Variants in CELF2 observed in about 807,000 individuals in gnomAD.
The protein encoded by CELF2 is CUG triplet repeat RNA-binding protein 2.
In CELF2, 8 loss-of-function variants were observed where a neutral mutation model predicts 62.6. The observed-to-expected ratio is 0.13, with a 90% CI of 0.07 to 0.23. The LOEUF is 0.23. Among genes scored for constraint, CELF2 ranks in the 10% least tolerant of loss-of-function variants. The pLI, the probability that CELF2 is intolerant of heterozygous loss-of-function variation, is 1.00. For synonymous variants in CELF2, 258 were observed against 250.0 expected (o/e 1.03, Z -0.30); for missense variants, 333 against 671.0 (o/e 0.50, Z 5.56).
chr10:10,567,577 C>T, the CELF2 span, among the ~76,000 whole-genome samples: 7 of 152,106 alleles, frequency 4.6e-5, no homozygotes, highest in Non-Finnish European at 7.4e-5. Context: ...GGTGACCCTT[C>T]GGAGTCAACC....
At chr10:10,709,548 G>T in the CELF2 span, among the ~76,000 whole-genome samples, 1 of 152,148 alleles carries the variant, frequency 6.6e-6, no homozygotes, top group Non-Finnish European at 1.5e-5. Context: ...AAACCAGCCA[G>T]CAATAATGGA....
At position 11,290,351 on chromosome 10, in the gene CELF2, G is replaced by A. The variant is rs1317119059; in HGVS notation, c.976+1799G>A. ...TGACGGAAGCCATGGCGCGTGTTGA[G>A]GCAGAGGACAGAGCCAGTGGGTGGG... On this transcript the variant is annotated intron_variant, in intron 9 of 12. Transcript: ENST00000633077. The surrounding 1 kb of genome is among the most constrained non-coding windows in gnomAD (Gnocchi z 4.3). Among the ~76,000 whole-genome samples the A allele has an allele frequency of 6.6e-6, 1 of 152,184 alleles. No individual in the cohort carries two copies. The highest frequency in any genetic ancestry group is 1.5e-5 in the Non-Finnish European group (1 of 68,034).
At chr10:10,977,802 C>G (rs1351907628) in intron 2 of CELF2, among the ~76,000 whole-genome samples, 3 of 152,194 alleles carry the variant, frequency 2.0e-5, no homozygotes, top group Non-Finnish European at 2.9e-5. Flanking sequence ...TCTACCACTT[C>G]ACAGCTGTGT....
chr10:11,307,201 G>A (rs575051180), intron 9 of CELF2, among the ~76,000 whole-genome samples: 37 of 152,370 alleles, frequency 2.4e-4, no homozygotes, highest in East Asian at 7.7e-4. Context: ...GCCCCAGGGC[G>A]AAGCACTCTC....
the CELF2 span, among the ~76,000 whole-genome samples, chr10:10,555,276 A>G: frequency 7.5e-6 from 1 of 133,238 alleles, no homozygotes; most frequent in Non-Finnish European, 1.5e-5. Flanking sequence ...GGGAGGCCAG[A>G]AAGTCTTTTT....
intron 1 of CELF2, among the ~76,000 whole-genome samples, chr10:11,094,163 ATT>A (rs1288528449): frequency 1.3e-5 from 2 of 152,198 alleles, no homozygotes; most frequent in Non-Finnish European, 2.9e-5. Flanking sequence ...TTTGTGGCAA[ATT>A]AACTTGCTGG....
rs2063759987 is a variant in CELF2 at position 11,217,930 on chromosome 10, G to A, written c.354+423G>A. 6.6e-6 allele frequency among the ~76,000 whole-genome samples: 1 copy of A among 152,196 alleles called. No individual in the cohort carries two copies. Among genetic ancestry groups the A allele is most frequent in the Admixed American group, 6.5e-5 (1 of 15,276 alleles). On this transcript the variant is annotated intron_variant, in intron 3 of 12. Coordinates refer to ENST00000633077, the MANE Select transcript of CELF2 (RefSeq NM_001326342.2). The surrounding 1 kb of genome is among the most constrained non-coding windows in gnomAD (Gnocchi z 5.6). Reference sequence around the variant, plus strand: ...GAAAGGACAAAATGTACCCTTTACAGCCATAATATTAAGCCTCCTAATGGT... The same window carrying A: ...GAAAGGACAAAATGTACCCTTTACAACCATAATATTAAGCCTCCTAATGGT...
At chr10:11,299,845 C>G (rs1194248802) in intron 9 of CELF2, among the ~76,000 whole-genome samples, 2 of 151,872 alleles carry the variant, frequency 1.3e-5, no homozygotes, top group African/African-American at 4.8e-5. Context: ...TCCGGGCCAT[C>G]TGTAAAAACA....
At chr10:10,554,567 C>T in the CELF2 span, among the ~76,000 whole-genome samples, 1 of 152,164 alleles carries the variant, frequency 6.6e-6, no homozygotes, top group Admixed American at 6.5e-5. Context: ...TCCTCTGTGA[C>T]TCCAGCTCCT....
intron 1 of CELF2, among the ~76,000 whole-genome samples, chr10:11,048,997 GAGC>G (rs2063374792): frequency 6.6e-6 from 1 of 152,130 alleles, no homozygotes; most frequent in African/African-American, 2.4e-5. Context: ...GAAGCCAGAG[GAGC>G]TTCAAAATAT....
Position 11,290,761 on chromosome 10 carries a change from C to CT in CELF2, c.976+2211dup, listed in dbSNP as rs1472966021. ...CTTGCCCTTCAGAACACGCCGCTCG[C>CT]TTAGGTGTCACTGAGAGCGATTTTT... is the stretch of plus-strand genomic sequence containing the variant. On this transcript the variant is annotated intron_variant, in intron 9 of 12. Coordinates refer to ENST00000633077, the MANE Select transcript of CELF2 (RefSeq NM_001326342.2). This position sits in a 1 kb window ranked among gnomAD's most constrained non-coding sequence, Gnocchi z 4.3. Among the ~76,000 whole-genome samples, 1 of 152,166 alleles carries CT rather than the reference C, an allele frequency of 6.6e-6. No individual in the cohort carries two copies. Among genetic ancestry groups the CT allele is most frequent in the African/African-American group, 2.4e-5 (1 of 41,444 alleles).
At position 10,988,434 on chromosome 10, in the gene CELF2, C is replaced by T. The variant is rs944555830; in HGVS notation, c.89+68435C>T. The stretch of plus-strand genomic sequence containing the variant: ...CAGGAATGGAAAACCAAATATCGTA[C>T]GTTCTCACTTATAAGTGGGAGCTAA... On this transcript the variant is annotated intron_variant, in intron 2 of 13. Coordinates refer to the CELF2 transcript ENST00000636488. Among the ~76,000 whole-genome samples, 11 of 151,938 alleles carry T rather than the reference C, an allele frequency of 7.2e-5. No individual in the cohort carries two copies. In the East Asian group the frequency reaches 1.2e-3, roughly 16 times the overall value.
At chr10:10,987,995 A>C (rs2052983837) in intron 2 of CELF2, among the ~76,000 whole-genome samples, 1 of 152,178 alleles carries the variant, frequency 6.6e-6, no homozygotes, top group Non-Finnish European at 1.5e-5. Flanking sequence ...AAAAGGGAAC[A>C]GTTTACACAG....
chr10:10,971,626 G>A (rs1564288345), intron 2 of CELF2, among the ~76,000 whole-genome samples: 1 of 152,020 alleles, frequency 6.6e-6, no homozygotes, highest in Non-Finnish European at 1.5e-5. Flanking sequence ...TCGCTCTGTC[G>A]CCCAGGCTGG....
chr10:11,307,749 T>C (rs1419384939), intron 9 of CELF2, among the ~76,000 whole-genome samples: 6 of 152,220 alleles, frequency 3.9e-5, no homozygotes, highest in Admixed American at 2.6e-4. Flanking sequence ...AAAGAGCTGA[T>C]GAAACTATAG....
In CELF2 at chr10:11,315,161, CACAGCGGGG is replaced by C. The variant is rs2094860213; in HGVS notation, c.1096+907_1096+915del. ...GTACTGAGGAAACTGATCCTCAGCC[CACAGCGGGG>C]ACATGTAATTTCCCTGTCCCTCCGT... On this transcript the variant is annotated intron_variant, in intron 10 of 12. Transcript: ENST00000633077. This position sits in a 1 kb window ranked among gnomAD's most constrained non-coding sequence, Gnocchi z 5.8. 1.3e-5 allele frequency among the ~76,000 whole-genome samples: 2 copies of C among 152,042 alleles called. No homozygotes were observed. The highest frequency in any genetic ancestry group is 2.9e-5 in the Non-Finnish European group (2 of 68,018).
chr10:10,530,307 G>C, the CELF2 span, among the ~76,000 whole-genome samples: 4 of 152,152 alleles, frequency 2.6e-5, no homozygotes, highest in Non-Finnish European at 4.4e-5. Context: ...TGCTACAAGG[G>C]TTTGTGATAA....
At chr10:10,502,530 C>T in the CELF2 span, among the ~76,000 whole-genome samples, 8 of 151,908 alleles carry the variant, frequency 5.3e-5, no homozygotes, top group Admixed American at 3.9e-4. Flanking sequence ...TTCATTTCAT[C>T]ATATGTGTCA....
intron 9 of CELF2, among the ~76,000 whole-genome samples, chr10:11,312,382 T>G (rs1046270111): frequency 3.3e-5 from 5 of 152,206 alleles, no homozygotes; most frequent in Non-Finnish European, 4.4e-5. Context: ...GTATGAAGAA[T>G]AATAATGAAG....
Sources: allele counts gnomAD v4.1 joint callset (sites outside exome capture counted in the v4.1 genomes callset), GRCh38; gene constraint gnomAD v4.1.1; non-coding constraint Gnocchi (gnomAD v3.1); transcripts MANE v1.5; gene names NCBI Gene and HGNC (gene_info 2026-07-23, HGNC 2026-07-21).